The following LRRFIP1 variants were observed in gnomAD, a reference collection of about 807,000 sequenced individuals.
The protein encoded by LRRFIP1 is LRR binding FLII interacting protein 1.
LRRFIP1 carries 62 observed loss-of-function variants against 104.4 expected under a neutral mutation model. That is an observed-to-expected ratio of 0.59 (90% CI 0.48 to 0.73). The LOEUF (loss-of-function observed/expected upper bound fraction) is 0.73. Among genes scored for constraint, LRRFIP1 ranks in the 30% least tolerant of loss-of-function variants. LRRFIP1 has a pLI of 0.00. For missense variants in LRRFIP1, 796 were observed against 824.5 expected (o/e 0.97, Z 0.42); for synonymous variants, 300 against 299.0 (o/e 1.00, Z -0.03).
rs746260109 is a variant in LRRFIP1 at position 237,779,929 on chromosome 2, C to T, written c.*397C>T. 2.5e-5 allele frequency: 4 copies of T among 161,758 alleles called. 1 individual carries two copies. In the Admixed American group the frequency reaches 2.5e-4, roughly 10 times the overall value. The allele number at this position is 161,758 out of a possible 1,614,324, so 10.0% of individuals were successfully genotyped here. A position where few individuals can be genotyped will look rare whatever the true frequency, so the allele number is the denominator to read the frequency against. ...TGCTGAAGATTAAGGGGAAATGTTA[C>T]AGTGTTGGGACTTCCTTTCATGGCA... On this transcript the variant is annotated 3_prime_UTR_variant, in exon 24 of 24. Transcript: ENST00000308482.
Position 237,627,707 on chromosome 2 carries a change from G to A in LRRFIP1, c.63G>A (p.Ala21=). 7.3e-7 allele frequency: 1 copy of A among 1,366,296 alleles called. No homozygotes were observed. Among genetic ancestry groups the A allele is most frequent in the Non-Finnish European group, 9.5e-7 (1 of 1,048,162 alleles). 84.6% of individuals were successfully genotyped at this position (1,366,296 alleles called of 1,614,324 possible). The change falls in exon 1 of 24, where the codon GCG becomes GCA. Residue 21 remains alanine (A), a synonymous_variant. Transcript: ENST00000308482. ...TCCCCAACCGGGAGCGGCTCACGGC[G>A]GAGGACGACGCGCTCAACCAGATCG... ...KRLPNRERLT[A]EDDALNQIAR...
chr2:237,716,691 G>C (rs2094343015), intron 3 of LRRFIP1, among the ~76,000 whole-genome samples: 2 of 152,192 alleles, frequency 1.3e-5, no homozygotes, highest in South Asian at 4.1e-4. Context: ...ACTCACATCT[G>C]TGTTATAATG....
chr2:237,739,913 T>C (rs1170439518), intron 11 of LRRFIP1, among the ~76,000 whole-genome samples: 1 of 152,128 alleles, frequency 6.6e-6, no homozygotes, highest in Non-Finnish European at 1.5e-5. Flanking sequence ...CTATGACTCT[T>C]TTTAAAGGAA....
chr2:237,768,567 T>G (rs2150906361), intron 19 of LRRFIP1: 1 of 152,300 alleles, frequency 6.6e-6, no homozygotes, highest in African/African-American at 2.4e-5. Context: ...AATGTTTTGT[T>G]TCAATGTTGG....
At position 237,760,757 on chromosome 2, in the gene LRRFIP1, G is replaced by A. The variant is rs900396846; in HGVS notation, c.1459+552G>A. On this transcript the variant is annotated intron_variant, in intron 19 of 23. Coordinates refer to ENST00000308482, the MANE Select transcript of LRRFIP1 (RefSeq NM_001137550.2). The stretch of plus-strand genomic sequence containing the variant: ...AAGCCACCGCTCGAGGTGGGCAGGC[G>A]GCCGTGGTAGTGGGTGTGGCGGTGC... 1.3e-3 allele frequency among the ~76,000 whole-genome samples: 195 copies of A among 152,268 alleles called. 1 individual carries two copies. Among genetic ancestry groups the A allele is most frequent in the African/African-American group, 4.5e-3 (186 of 41,542 alleles).
Position 237,756,187 on chromosome 2 carries a change from G to A in LRRFIP1, c.1131G>A (p.Glu377=). 1.9e-6 allele frequency: 3 copies of A among 1,610,728 alleles called. No homozygotes were observed. In the South Asian group the frequency reaches 3.3e-5, roughly 18 times the overall value. Residue 377 remains glutamate, a splice_region_variant and synonymous_variant, in exon 16 of 24, where the codon GAG becomes GAA. Coordinates refer to ENST00000308482, the MANE Select transcript of LRRFIP1 (RefSeq NM_001137550.2). ...TGAAGCAAAGAGAGGAAATGCTCGA[G>A]GTAGGTAGCATTCTCCTGCTTTTCT... ...EALKQREEML[E]EIRQLQQKQA...
At chr2:237,710,794 G>A (rs2094039124) in intron 2 of LRRFIP1, among the ~76,000 whole-genome samples, 1 of 152,154 alleles carries the variant, frequency 6.6e-6, no homozygotes, top group African/African-American at 2.4e-5. Flanking sequence ...TTATTCCTTT[G>A]ATTGAAAGGA....
chr2:237,779,414 G>T lies in LRRFIP1; in HGVS notation c.1813-8G>T. 1 of 1,612,300 alleles carries T rather than the reference G, an allele frequency of 6.2e-7. No homozygotes were observed. Among genetic ancestry groups the T allele is most frequent in the Non-Finnish European group, 8.5e-7 (1 of 1,178,870 alleles). ...CCTTAAAGCTCACTGCCTTTCCTCC[G>T]TTCCCAGCTCCGCTCTGCATTGGAT... On this transcript the variant is annotated splice_polypyrimidine_tract_variant and splice_region_variant and intron_variant, in intron 23 of 23. Coordinates refer to ENST00000308482, the MANE Select transcript of LRRFIP1 (RefSeq NM_001137550.2).
chr2:237,744,776 T>C (rs2057584095), intron 11 of LRRFIP1, among the ~76,000 whole-genome samples: 1 of 152,266 alleles, frequency 6.6e-6, no homozygotes. Flanking sequence ...TCACTCAGAA[T>C]ACGAGAGTCA....
At chr2:237,702,286 T>C (rs2093579843) in intron 1 of LRRFIP1, among the ~76,000 whole-genome samples, 2 of 152,210 alleles carry the variant, frequency 1.3e-5, no homozygotes, top group Admixed American at 6.5e-5. Context: ...GGAGGCAACT[T>C]TGATAGTAAA....
At chr2:237,760,317 C>T in intron 19 of LRRFIP1, 112 bp downstream of exon 19, 3 of 1,210,986 alleles carry the variant, frequency 2.5e-6, no homozygotes, top group Non-Finnish European at 1.1e-6. Context: ...CAGTCACCAG[C>T]ATGCCATTTG....
chr2:237,757,782 C>T (rs988480207), intron 17 of LRRFIP1, among the ~76,000 whole-genome samples: 3 of 152,162 alleles, frequency 2.0e-5, no homozygotes, highest in Middle Eastern at 3.4e-3. Flanking sequence ...CTTGTGAATG[C>T]GTAGCTGTGC....
intron 1 of LRRFIP1, among the ~76,000 whole-genome samples, chr2:237,689,456 C>A (rs2092622371): frequency 6.6e-6 from 1 of 152,188 alleles, no homozygotes; most frequent in Non-Finnish European, 1.5e-5. Flanking sequence ...TACTACTTAG[C>A]AGAATCAGAA....
Position 237,711,272 on chromosome 2 carries a change from A to G in LRRFIP1, c.183+2642A>G, listed in dbSNP as rs956595277. ...GCCATGGTTTGCCTTCTTCAGCATG[A>G]GTACAGATGTCATTTGCTTAGTAGA... is the stretch of plus-strand genomic sequence containing the variant. On this transcript the variant is annotated intron_variant, in intron 2 of 23. Transcript: ENST00000308482. The surrounding 1 kb of genome is among the most constrained non-coding windows in gnomAD (Gnocchi z 4.4). 2.0e-5 allele frequency among the ~76,000 whole-genome samples: 3 copies of G among 152,236 alleles called. No homozygotes were observed. Among genetic ancestry groups the G allele is most frequent in the Non-Finnish European group, 2.9e-5 (2 of 68,038 alleles).
Position 237,704,051 on chromosome 2 carries a change from G to A in LRRFIP1, c.97-4493G>A, listed in dbSNP as rs144179713. ...GAGAACCCCTGCCTGCACAGTCAGC[G>A]CTCTCCCCAATGTCTGCCATCTGCC... On this transcript the variant is annotated intron_variant, in intron 1 of 23. Coordinates refer to ENST00000308482, the MANE Select transcript of LRRFIP1 (RefSeq NM_001137550.2). Among the ~76,000 whole-genome samples, 382 of 152,000 alleles carry A rather than the reference G, an allele frequency of 2.5e-3. 10 individuals carry two copies. In the East Asian group the frequency reaches 0.046, roughly 18 times the overall value.
intron 1 of LRRFIP1, among the ~76,000 whole-genome samples, chr2:237,634,713 C>T (rs561437667): frequency 7.9e-5 from 12 of 152,198 alleles, no homozygotes; most frequent in Non-Finnish European, 1.2e-4. Context: ...GTACTATAAT[C>T]TTTCTTTCCT....
intron 1 of LRRFIP1, among the ~76,000 whole-genome samples, chr2:237,699,991 A>G (rs2093424662): frequency 6.6e-6 from 1 of 152,208 alleles, no homozygotes; most frequent in African/African-American, 2.4e-5. Flanking sequence ...TACAGTGCAC[A>G]TCGCCTCTGG....
chr2:237,692,446 G>A (rs768199106), intron 1 of LRRFIP1: 62 of 1,518,130 alleles, frequency 4.1e-5, no homozygotes, highest in Non-Finnish European at 5.2e-5. Context: ...AGCGGGCCGA[G>A]CCCGGCAGGA....
chr2:237,763,272 G>A (rs749066501), intron 19 of LRRFIP1: 1 of 1,614,136 alleles, frequency 6.2e-7, no homozygotes, highest in South Asian at 1.1e-5. Context: ...GAAGTTCCTG[G>A]TTCTCCAGCA....
Sources: gnomAD v4.1 joint callset for allele counts (sites outside exome capture counted in the v4.1 genomes callset) on GRCh38, gnomAD v4.1.1 for gene constraint, Gnocchi (gnomAD v3.1) non-coding constraint, MANE v1.5 for transcripts, NCBI Gene and HGNC (gene_info 2026-07-23, HGNC 2026-07-21) for gene names.